Variants in ZFHX3 observed in about 807,000 individuals in gnomAD.
The protein encoded by ZFHX3 is zinc finger homeobox protein 3.
In ZFHX3, 42 loss-of-function variants were observed where a neutral mutation model predicts 279.1. That is an observed-to-expected ratio of 0.15 (90% CI 0.12 to 0.19). ZFHX3 has a LOEUF of 0.19. Among genes scored for constraint, ZFHX3 ranks in the 10% least tolerant of loss-of-function variants. ZFHX3 has a pLI of 1.00. For synonymous variants in ZFHX3, 2,293 were observed against 1,957.8 expected (o/e 1.17, Z -4.52); for missense variants, 4,981 against 4,754.0 (o/e 1.05, Z -1.40).
intron 3 of ZFHX3, among the ~76,000 whole-genome samples, chr16:72,936,703 G>C (rs1960144035): frequency 6.6e-6 from 1 of 152,158 alleles, no homozygotes; most frequent in East Asian, 1.9e-4. Context: ...ATGGTGGGAG[G>C]AGTTCAGATC....
intron 1 of ZFHX3, among the ~76,000 whole-genome samples, chr16:73,026,509 T>A (rs1964505947): frequency 6.8e-6 from 1 of 146,716 alleles, no homozygotes; most frequent in South Asian, 2.1e-4. Flanking sequence ...CTGTCTCTAC[T>A]AAATACAAAA....
intron 5 of ZFHX3, among the ~76,000 whole-genome samples, chr16:73,154,308 T>C (rs1290191246): frequency 6.6e-6 from 1 of 152,226 alleles, no homozygotes; most frequent in Non-Finnish European, 1.5e-5. Flanking sequence ...TCTGAAGTTT[T>C]TCAGAAGTTT....
chr16:73,696,451 G>A (rs1436189512), intron 1 of ZFHX3, among the ~76,000 whole-genome samples: 1 of 152,160 alleles, frequency 6.6e-6, no homozygotes, highest in Non-Finnish European at 1.5e-5. Flanking sequence ...ATAACCTTGA[G>A]CCAAGGAAAC....
chr16:72,909,350 T>A (rs2039261839), intron 3 of ZFHX3, among the ~76,000 whole-genome samples: 1 of 152,180 alleles, frequency 6.6e-6, no homozygotes, highest in Admixed American at 6.5e-5. Context: ...AGAATAGGCA[T>A]GACTGTGTTC....
intron 4 of ZFHX3, among the ~76,000 whole-genome samples, chr16:72,865,228 G>A (rs2037986380): frequency 6.6e-6 from 1 of 152,200 alleles, no homozygotes; most frequent in Non-Finnish European, 1.5e-5. Flanking sequence ...GCCCAGGCAG[G>A]GCACAAGACT....
intron 5 of ZFHX3, among the ~76,000 whole-genome samples, chr16:73,249,170 GC>G (rs1297186210): frequency 1.3e-5 from 2 of 152,182 alleles, no homozygotes; most frequent in Non-Finnish European, 2.9e-5. Flanking sequence ...TATGGGGAAT[GC>G]TGATAATTCC....
At chr16:73,588,846 G>A (rs1448831796) in intron 2 of ZFHX3, among the ~76,000 whole-genome samples, 1 of 152,078 alleles carries the variant, frequency 6.6e-6, no homozygotes, top group Non-Finnish European at 1.5e-5. Flanking sequence ...TGGGGTTGGG[G>A]AGAGAGAAAG....
chr16:73,719,726 G>A lies in ZFHX3; in HGVS notation c.-1607-39486C>T, dbSNP rs188564159. Among the ~76,000 whole-genome samples the A allele has an allele frequency of 3.1e-3, 471 of 150,484 alleles. 4 individuals carry two copies. Among genetic ancestry groups the A allele is most frequent in the African/African-American group, 0.011 (437 of 40,964 alleles). The stretch of plus-strand genomic sequence containing the variant: ...TCGGCTCACTGCAACCTCCGCCTCC[G>A]GGGTTCAAGCGATTCTCCTGCCTCA... On this transcript the variant is annotated intron_variant, in intron 1 of 17. Coordinates refer to the ZFHX3 transcript ENST00000641206.
At chr16:73,303,328 G>A (rs972313113) in intron 4 of ZFHX3, among the ~76,000 whole-genome samples, 16 of 152,238 alleles carry the variant, frequency 1.1e-4, no homozygotes, top group African/African-American at 3.6e-4. Flanking sequence ...ATGTTGGGCC[G>A]AGCAATGGAA....
chr16:72,793,734 A>G lies in ZFHX3; in HGVS notation c.8948T>C (p.Ile2983Thr), dbSNP rs781113330. The change falls in exon 9 of 10, where the codon ATT becomes ACT. Residue 2983 changes from isoleucine to threonine, a missense_variant. Transcript: ENST00000268489. This position sits in a 1 kb window ranked among gnomAD's most constrained non-coding sequence, Gnocchi z 4.3. ...MLECEVLGND[I>T]GLPKRVVQVW... is the part of the protein sequence containing the mutation. ...CTGAACGACTCTCTTTGGCAGTCCA[A>G]TGTCATTGCCCAGGACCTCACATTC... The G allele has an allele frequency of 1.9e-6, 3 of 1,614,128 alleles. No individual in the cohort carries two copies. Among genetic ancestry groups the G allele is most frequent in the Admixed American group, 3.3e-5 (2 of 60,024 alleles).
intron 1 of ZFHX3, among the ~76,000 whole-genome samples, chr16:73,874,297 G>T (rs1461995662): frequency 6.6e-6 from 1 of 152,060 alleles, no homozygotes; most frequent in Non-Finnish European, 1.5e-5. Flanking sequence ...TATGACAACT[G>T]TAAGAAAAAA....
chr16:73,841,020 T>A lies in ZFHX3; in HGVS notation c.-1608+50631A>T, dbSNP rs577075244. Among the ~76,000 whole-genome samples the A allele has an allele frequency of 1.1e-4, 17 of 152,278 alleles. No individual in the cohort carries two copies. In the East Asian group the frequency reaches 3.3e-3, roughly 29 times the overall value. ...AAGCAGGTGGTGAAAAATGCATGTG[T>A]TGACTACCATTCTCCAGGCTGGAGT... On this transcript the variant is annotated intron_variant, in intron 1 of 17. Coordinates refer to the ZFHX3 transcript ENST00000641206.
intron 3 of ZFHX3, among the ~76,000 whole-genome samples, chr16:72,930,928 C>T (rs1164339492): frequency 6.6e-6 from 1 of 152,222 alleles, no homozygotes; most frequent in Non-Finnish European, 1.5e-5. Flanking sequence ...ATAGTAATAA[C>T]TAACTCACGT....
chr16:73,583,060 G>C (rs1038794751), intron 2 of ZFHX3, among the ~76,000 whole-genome samples: 4 of 152,188 alleles, frequency 2.6e-5, no homozygotes, highest in African/African-American at 9.7e-5. Context: ...GCAGGGTTGT[G>C]GGAAGTGTCT....
intron 8 of ZFHX3, among the ~76,000 whole-genome samples, chr16:73,072,391 C>T (rs1338483677): frequency 2.0e-5 from 3 of 149,790 alleles, no homozygotes; most frequent in East Asian, 2.0e-4. Flanking sequence ...TTGCAGTGAG[C>T]CGAGATCGTG....
chr16:73,492,529 C>T (rs2019071459), intron 2 of ZFHX3, among the ~76,000 whole-genome samples: 1 of 152,198 alleles, frequency 6.6e-6, no homozygotes, highest in Non-Finnish European at 1.5e-5. Context: ...GATCTAGAAT[C>T]AATAGACCTA....
At chr16:73,071,735 G>C (rs7189030) in intron 8 of ZFHX3, among the ~76,000 whole-genome samples, 7,197 of 152,334 alleles carry the variant, frequency 0.047, 509 homozygotes, top group African/African-American at 0.16. Flanking sequence ...AGAGCATGCA[G>C]TTTAGAGGAA....
intron 1 of ZFHX3, among the ~76,000 whole-genome samples, chr16:73,718,182 G>C (rs1306689499): frequency 6.6e-6 from 1 of 152,178 alleles, no homozygotes. Context: ...AAGCCAAAGG[G>C]GGTAGATGAC....
intron 3 of ZFHX3, among the ~76,000 whole-genome samples, chr16:73,379,670 TG>T (rs1404717492): frequency 1.3e-5 from 2 of 152,174 alleles, no homozygotes; most frequent in African/African-American, 4.8e-5. Context: ...TTTTCTGTCT[TG>T]GCATGAAGCA....
Sources: allele counts gnomAD v4.1 joint callset (sites outside exome capture counted in the v4.1 genomes callset), GRCh38; gene constraint gnomAD v4.1.1; non-coding constraint Gnocchi (gnomAD v3.1); transcripts MANE v1.5; gene names NCBI Gene and HGNC (gene_info 2026-07-23, HGNC 2026-07-21).